The following ZFHX3 variants were observed in gnomAD, a reference collection of about 807,000 sequenced individuals.
ZFHX3 encodes the protein zinc finger homeobox protein 3.
A neutral mutation model predicts 279.1 loss-of-function variants in ZFHX3; 42 were observed. The observed-to-expected ratio is 0.15, with a 90% CI of 0.12 to 0.19. ZFHX3 has a LOEUF of 0.19. ZFHX3 is among the 10% of genes least tolerant of loss of function. ZFHX3 has a pLI of 1.00. For missense variants in ZFHX3, 4,981 were observed against 4,754.0 expected (o/e 1.05, Z -1.40); for synonymous variants, 2,293 against 1,957.8 (o/e 1.17, Z -4.52).
At chr16:73,276,017 T>C (rs1017983575) in intron 4 of ZFHX3, among the ~76,000 whole-genome samples, 1 of 152,020 alleles carries the variant, frequency 6.6e-6, no homozygotes, top group Non-Finnish European at 1.5e-5. Context: ...TATTGGGAAC[T>C]TATTAGAAGA....
chr16:73,593,708 G>T (rs1597017084), intron 2 of ZFHX3, among the ~76,000 whole-genome samples: 1 of 152,094 alleles, frequency 6.6e-6, no homozygotes, highest in Admixed American at 6.5e-5. Context: ...TTTGGTATCT[G>T]CAGGGATTCT....
chr16:73,229,812 T>C (rs1350894755), intron 5 of ZFHX3, among the ~76,000 whole-genome samples: 1 of 152,216 alleles, frequency 6.6e-6, no homozygotes, highest in Admixed American at 6.5e-5. Context: ...TAATATAGTC[T>C]TTATAGACTT....
intron 1 of ZFHX3, among the ~76,000 whole-genome samples, chr16:73,845,037 G>T (rs534769209): frequency 6.6e-6 from 1 of 152,226 alleles, no homozygotes; most frequent in African/African-American, 2.4e-5. Context: ...GGTGGTAGGA[G>T]CTCCTCTTTT....
At chr16:73,091,341 C>G (rs1266002997) in intron 8 of ZFHX3, among the ~76,000 whole-genome samples, 1 of 152,068 alleles carries the variant, frequency 6.6e-6, no homozygotes, top group East Asian at 1.9e-4. Flanking sequence ...TTATGGAGAT[C>G]AACAAAGGAG....
At chr16:73,352,605 G>T (rs191173119) in intron 3 of ZFHX3, among the ~76,000 whole-genome samples, 137 of 150,004 alleles carry the variant, frequency 9.1e-4, no homozygotes, top group Admixed American at 2.9e-3. Context: ...CCAGTCTCTC[G>T]AGCAGCTGGG....
intron 1 of ZFHX3, among the ~76,000 whole-genome samples, chr16:73,717,805 T>C (rs1225419948): frequency 6.6e-6 from 1 of 152,156 alleles, no homozygotes; most frequent in Non-Finnish European, 1.5e-5. Flanking sequence ...CCGCTTAAGA[T>C]TTTTACGAGA....
rs184003058 is a variant in ZFHX3, at chr16:72,988,137, A to G, written c.-49-27943T>C. Among the ~76,000 whole-genome samples, 34 of 152,368 alleles carry G rather than the reference A, an allele frequency of 2.2e-4. 1 individual carries two copies. Among genetic ancestry groups the G allele is most frequent in the East Asian group, 2.1e-3 (11 of 5,194 alleles). ...GCCCAACAGGGCCAGTCGAGCCTGC[A>G]TAAGTGCTAAGAACCATTTAGGAGC... On this transcript the variant is annotated intron_variant, in intron 1 of 9. Coordinates refer to ENST00000268489, the MANE Select transcript of ZFHX3 (RefSeq NM_006885.4).
chr16:73,322,756 A>G (rs1186884124), intron 3 of ZFHX3, among the ~76,000 whole-genome samples: 2 of 152,178 alleles, frequency 1.3e-5, no homozygotes, highest in Non-Finnish European at 2.9e-5. Flanking sequence ...ACGCCCACTA[A>G]TGTGTATAAA....
At chr16:73,513,781 A>G (rs753419355) in intron 2 of ZFHX3, among the ~76,000 whole-genome samples, 4 of 152,166 alleles carry the variant, frequency 2.6e-5, no homozygotes, top group African/African-American at 4.8e-5. Context: ...GGATGGACTT[A>G]TGGGAATAAG....
chr16:72,831,199 G>C (rs1597286680), intron 4 of ZFHX3, among the ~76,000 whole-genome samples: 1 of 152,114 alleles, frequency 6.6e-6, no homozygotes, highest in Non-Finnish European at 1.5e-5. Context: ...TGGTCTCAAA[G>C]GGTTTCTAAA....
intron 1 of ZFHX3, among the ~76,000 whole-genome samples, chr16:73,781,682 T>G (rs1471409369): frequency 6.6e-6 from 1 of 152,148 alleles, no homozygotes; most frequent in Non-Finnish European, 1.5e-5. Flanking sequence ...CATCTTTAAC[T>G]TGATCCTCTA....
At chr16:73,014,481 G>A (rs1597092358) in intron 1 of ZFHX3, 1 of 127,712 alleles carries the variant, frequency 7.8e-6, no homozygotes, top group Non-Finnish European at 1.7e-5. Context: ...ACTTAAGTTT[G>A]TGTTTTACAC....
intron 3 of ZFHX3, among the ~76,000 whole-genome samples, chr16:72,925,587 G>A (rs928561436): frequency 6.6e-6 from 1 of 152,246 alleles, no homozygotes; most frequent in African/African-American, 2.4e-5. Context: ...GCCCATACCT[G>A]TGTCCACTTA....
At chr16:73,086,008 A>T (rs1966008368) in intron 8 of ZFHX3, among the ~76,000 whole-genome samples, 1 of 142,546 alleles carries the variant, frequency 7.0e-6, no homozygotes, top group East Asian at 2.0e-4. Context: ...AAAAAAAAAA[A>T]TCAAATTAAA....
Position 73,130,223 on chromosome 16 carries a change from C to A in ZFHX3, c.-897+745G>T, listed in dbSNP as rs147008618. ...AGGTGAGCTCCTCTAACCTAACCCACGTAATTAAAGTGGAAAATTTTTGGT... is the reference window on the plus strand; with the variant it reads ...AGGTGAGCTCCTCTAACCTAACCCAAGTAATTAAAGTGGAAAATTTTTGGT... On this transcript the variant is annotated intron_variant, in intron 7 of 17. Transcript: ENST00000641206. 5.2e-4 allele frequency among the ~76,000 whole-genome samples: 78 copies of A among 151,454 alleles called. 1 individual carries two copies. The East Asian group carries it at 0.014, about 27-fold the overall frequency.
At chr16:73,114,623 G>A (rs1451201829) in intron 7 of ZFHX3, among the ~76,000 whole-genome samples, 1 of 152,042 alleles carries the variant, frequency 6.6e-6, no homozygotes, top group Non-Finnish European at 1.5e-5. Flanking sequence ...AGGCTGTAGT[G>A]AGCCATGACT....
At chr16:73,297,613 G>A (rs369273883) in intron 4 of ZFHX3, among the ~76,000 whole-genome samples, 36 of 152,008 alleles carry the variant, frequency 2.4e-4, no homozygotes, top group African/African-American at 8.5e-4. Flanking sequence ...GGAGTCAAAC[G>A]GGACACATGT....
rs185686625 is a variant in ZFHX3, at chr16:72,904,926, G to A, written c.3217-14964C>T. 1.9e-3 allele frequency among the ~76,000 whole-genome samples: 288 copies of A among 152,212 alleles called. 1 individual carries two copies. The highest frequency in any genetic ancestry group is 6.7e-3 in the African/African-American group (280 of 41,526). On this transcript the variant is annotated intron_variant, in intron 3 of 9. Transcript: ENST00000268489. The stretch of plus-strand genomic sequence containing the variant: ...GGCTCACTGCAACCTCCATCTCCTG[G>A]GTTCAAGTGACTCTCCTGCCTCAGC...
intron 4 of ZFHX3, among the ~76,000 whole-genome samples, chr16:73,261,675 T>G (rs1434615005): frequency 1.4e-5 from 2 of 143,674 alleles, no homozygotes; most frequent in South Asian, 2.3e-4. Context: ...ATTGTTTTTT[T>G]TTTTTTTTTT....
Sources: allele counts gnomAD v4.1 joint callset (sites outside exome capture counted in the v4.1 genomes callset), GRCh38; gene constraint gnomAD v4.1.1; transcripts MANE v1.5; gene names NCBI Gene and HGNC (gene_info 2026-07-23, HGNC 2026-07-21).